Variants in DGKI observed in about 807,000 individuals in gnomAD.
DGKI encodes the protein diacylglycerol kinase iota.
Under a neutral mutation model 147.5 loss-of-function variants are expected in DGKI, and 55 were observed. The ratio of observed to expected loss-of-function variants is 0.37; its 90% CI spans 0.30 to 0.47. The LOEUF (loss-of-function observed/expected upper bound fraction) is 0.47, where lower values mean the gene tolerates loss of function less well. Among genes scored for constraint, DGKI ranks in the 20% least tolerant of loss-of-function variants. DGKI has a pLI of 1.00. For missense variants in DGKI, 1,007 were observed against 1,323.8 expected, an observed-to-expected ratio of 0.76 and a Z score of 3.71; for synonymous variants, 469 against 477.1, an observed-to-expected ratio of 0.98 and a Z score of 0.22.
At chr7:137,764,817 T>G (rs887832715) in intron 1 of DGKI, among the ~76,000 whole-genome samples, 2 of 152,190 alleles carry the variant, frequency 1.3e-5, no homozygotes, top group African/African-American at 4.8e-5. Flanking sequence ...ATGAATATGT[T>G]CTCAATCCCA....
At chr7:137,701,275 T>C (rs890323179) in intron 1 of DGKI, among the ~76,000 whole-genome samples, 4 of 152,122 alleles carry the variant, frequency 2.6e-5, no homozygotes, top group African/African-American at 9.7e-5. Flanking sequence ...CTCCCTAACA[T>C]TCAAACAAAT....
chr7:137,432,952 A>G (rs1028032428), intron 28 of DGKI, among the ~76,000 whole-genome samples: 1 of 152,230 alleles, frequency 6.6e-6, no homozygotes, highest in Non-Finnish European at 1.5e-5. Flanking sequence ...AGGCTTCAGC[A>G]ATGAACTTCT....
chr7:137,408,020 A>G lies in DGKI; in HGVS notation c.2800-25T>C, dbSNP rs1405815106. On this transcript the variant is annotated intron_variant, in intron 29 of 32. Transcript: ENST00000614521. ...GCTGCAAAGAGAGACATACAAAAAG[A>G]AGCTCAGGCAGAATTCGGAACAAGG... is the stretch of plus-strand genomic sequence containing the variant. 5.0e-6 allele frequency: 8 copies of G among 1,612,972 alleles called. No homozygotes were observed. The East Asian group carries it at 1.6e-4, about 31-fold the overall frequency.
At chr7:137,747,560 A>C (rs1198427310) in intron 1 of DGKI, among the ~76,000 whole-genome samples, 2 of 152,196 alleles carry the variant, frequency 1.3e-5, no homozygotes, top group African/African-American at 2.4e-5. Flanking sequence ...ACTCCCAAAA[A>C]TTCTGTAACG....
chr7:137,597,808 A>G (rs769242199), intron 12 of DGKI, 39 bp downstream of exon 12: 1 of 1,588,420 alleles, frequency 6.3e-7, no homozygotes, highest in East Asian at 2.2e-5. Flanking sequence ...TAAGAAAGAT[A>G]GAATTGGCAG....
chr7:137,795,386 T>C lies in DGKI; in HGVS notation c.401+51076A>G, dbSNP rs539679894. ...CCTCAGAGAATTATCACTATTGTACTTGTTTGGAAGCTCCCTGGGAAATTC... is the reference window on the plus strand; with the variant it reads ...CCTCAGAGAATTATCACTATTGTACCTGTTTGGAAGCTCCCTGGGAAATTC... On this transcript the variant is annotated intron_variant, in intron 1 of 32. Transcript: ENST00000614521. Among the ~76,000 whole-genome samples, 4 of 152,306 alleles carry C rather than the reference T, an allele frequency of 2.6e-5. No homozygotes were observed. The East Asian group carries it at 7.7e-4, about 29-fold the overall frequency.
intron 1 of DGKI, among the ~76,000 whole-genome samples, chr7:137,709,377 T>C (rs1265272263): frequency 6.6e-6 from 1 of 152,148 alleles, no homozygotes; most frequent in African/African-American, 2.4e-5. Context: ...TAAACACTTC[T>C]GGCATATTGT....
chr7:137,647,071 A>G (rs1222101302), intron 5 of DGKI, among the ~76,000 whole-genome samples: 1 of 152,230 alleles, frequency 6.6e-6, no homozygotes, highest in Non-Finnish European at 1.5e-5. Context: ...GTTTAATAAA[A>G]CAAAGACACA....
Position 137,656,489 on chromosome 7 carries a change from C to G in DGKI, c.658G>C (p.Ala220Pro). 6.2e-7 allele frequency: 1 copy of G among 1,614,008 alleles called. No individual in the cohort carries two copies. Among genetic ancestry groups the G allele is most frequent in the Non-Finnish European group, 8.5e-7 (1 of 1,179,964 alleles). ...CAVCKIVVHT[A>P]CIEQLEKINF... ...ACCTTTTCTAGCTGCTCAATGCAGG[C>G]GGTGTGGACGACGATTTTACAGACT... Residue 220 changes from alanine (A) to proline (P), a missense_variant, in exon 4 of 33, where the codon GCC becomes CCC. By Grantham distance (27) the Ala-to-Pro change is conservative. Around this residue, in one of 5 missense-constraint regions of DGKI, gnomAD observed 259 missense variants for 362.5 expected, o/e 0.71. Coordinates refer to ENST00000614521, the MANE Select transcript of DGKI (RefSeq NM_001321708.2).
At chr7:137,681,918 C>G (rs1342844917) in intron 2 of DGKI, among the ~76,000 whole-genome samples, 1 of 152,266 alleles carries the variant, frequency 6.6e-6, no homozygotes. Flanking sequence ...GGGCAGTCAA[C>G]GCTGTCTACA....
intron 8 of DGKI, among the ~76,000 whole-genome samples, chr7:137,615,828 G>T (rs1820512821): frequency 6.6e-6 from 1 of 152,006 alleles, no homozygotes; most frequent in Admixed American, 6.6e-5. Context: ...TAACATTGGT[G>T]TCGAAGAGTT....
intron 20 of DGKI, among the ~76,000 whole-genome samples, chr7:137,537,590 C>G (rs138045332): frequency 9.2e-5 from 14 of 152,232 alleles, no homozygotes; most frequent in African/African-American, 3.1e-4. Flanking sequence ...TTGGTACCCT[C>G]GAAATTGGTT....
At chr7:137,639,866 C>G (rs993515844) in intron 6 of DGKI, among the ~76,000 whole-genome samples, 8 of 152,110 alleles carry the variant, frequency 5.3e-5, no homozygotes, top group African/African-American at 9.7e-5. Flanking sequence ...GTATAATTTA[C>G]ATTAAAAAAC....
chr7:137,623,652 GC>G, intron 6 of DGKI, 98 bp from the exon 7 acceptor site: 1 of 1,012,340 alleles, frequency 9.9e-7, no homozygotes, highest in Non-Finnish European at 1.6e-6. Flanking sequence ...AGGCCAGAAG[GC>G]CAGGACTGTC....
intron 1 of DGKI, among the ~76,000 whole-genome samples, chr7:137,791,829 T>TC (rs1796863602): frequency 6.6e-6 from 1 of 152,182 alleles, no homozygotes; most frequent in East Asian, 1.9e-4. Flanking sequence ...CTCAATCCTT[T>TC]CCCCCTCACT....
At chr7:137,587,293 A>C (rs1044732454) in intron 12 of DGKI, 83 bp from the exon 13 acceptor site, 13 of 1,027,200 alleles carry the variant, frequency 1.3e-5, no homozygotes, top group Non-Finnish European at 1.5e-5. Flanking sequence ...AGAGGCTTCC[A>C]AGAGCTAAAC....
At chr7:137,659,785 T>C (rs1029255090) in intron 3 of DGKI, among the ~76,000 whole-genome samples, 1 of 152,052 alleles carries the variant, frequency 6.6e-6, no homozygotes, top group Non-Finnish European at 1.5e-5. Flanking sequence ...ACAAAAAAAT[T>C]AGCCAGGCAT....
At chr7:137,567,095 T>C (rs1359943444) in intron 19 of DGKI, among the ~76,000 whole-genome samples, 1 of 151,486 alleles carries the variant, frequency 6.6e-6, no homozygotes, top group Non-Finnish European at 1.5e-5. Flanking sequence ...TGAAACCCCA[T>C]CTCTACTAAA....
chr7:137,616,709 T>C (rs999467106), intron 8 of DGKI, among the ~76,000 whole-genome samples: 1 of 151,990 alleles, frequency 6.6e-6, no homozygotes, highest in Non-Finnish European at 1.5e-5. Context: ...ACATAATACA[T>C]AAAAACATAA....
Sources: gnomAD v4.1 joint callset for allele counts (sites outside exome capture counted in the v4.1 genomes callset) on GRCh38, gnomAD v4.1.1 for gene constraint, gnomAD v4.1.1 regional missense constraint, MANE v1.5 for transcripts, NCBI Gene and HGNC (gene_info 2026-07-23, HGNC 2026-07-21) for gene names.